Variants in OLA1 observed in about 807,000 individuals in gnomAD.
OLA1 encodes the protein obg-like ATPase 1.
Under a neutral mutation model 48.4 loss-of-function variants are expected in OLA1, and 14 were observed. That is an observed-to-expected ratio of 0.29 (90% CI 0.19 to 0.45). The LOEUF is 0.45. OLA1 is among the 20% of genes least tolerant of loss of function. The probability of loss-of-function intolerance (pLI) is 1.00; values close to 1 mark genes in which losing one functional copy is unlikely to be tolerated. For missense variants in OLA1, 325 were observed against 467.1 expected, an observed-to-expected ratio of 0.70 and a Z score of 2.80; for synonymous variants, 127 against 150.4, an observed-to-expected ratio of 0.84 and a Z score of 1.14.
rs558691105 is a variant in OLA1, at chr2:174,107,695, G to A, written c.728+15485C>T. ...TTGGAACTTCATTATTTTCATATTT[G>A]TATTGGATCCTAAATCATTCTGATA... On this transcript the variant is annotated intron_variant, in intron 7 of 10. Coordinates refer to ENST00000284719, the MANE Select transcript of OLA1 (RefSeq NM_013341.5). 1.6e-4 allele frequency among the ~76,000 whole-genome samples: 24 copies of A among 152,112 alleles called. 1 individual carries two copies. The South Asian group carries it at 5.0e-3, about 32-fold the overall frequency.
chr2:174,244,013 A>G (rs116826167), intron 2 of OLA1, among the ~76,000 whole-genome samples: 1,587 of 152,328 alleles, frequency 0.01, 32 homozygotes, highest in African/African-American at 0.035. Context: ...TACAGGAGAG[A>G]CAGGAAATGA....
At chr2:174,181,042 A>C (rs911801739) in intron 4 of OLA1, among the ~76,000 whole-genome samples, 1 of 152,230 alleles carries the variant, frequency 6.6e-6, no homozygotes, top group Non-Finnish European at 1.5e-5. Flanking sequence ...TGGTAGCATC[A>C]TTCACTCACT....
At chr2:174,104,253 T>C (rs892097722) in intron 7 of OLA1, among the ~76,000 whole-genome samples, 6 of 151,982 alleles carry the variant, frequency 3.9e-5, no homozygotes, top group African/African-American at 1.4e-4. Context: ...CAGTAACACT[T>C]TTGTCTTTTT....
chr2:174,223,791 G>A (rs911704817), intron 3 of OLA1, among the ~76,000 whole-genome samples: 8 of 142,366 alleles, frequency 5.6e-5, no homozygotes, highest in East Asian at 2.0e-4. Flanking sequence ...AAAAAAAAGC[G>A]TGTAATGCTG....
intron 7 of OLA1, among the ~76,000 whole-genome samples, chr2:174,107,316 G>T (rs79177087): frequency 0.14 from 20,707 of 152,082 alleles, 1,796 homozygotes; most frequent in Non-Finnish European, 0.2. Context: ...TAAAATGGAC[G>T]TCCACGCTCT....
At position 174,167,550 on chromosome 2, in the gene OLA1, T is replaced by G. The variant is rs1430454002; in HGVS notation, c.374-25550A>C. ...GAAATTGCACCATTGCACTCCAGCCTGGGCAACAAGAGCAAAACTTCATCC... is the reference window on the plus strand; with the variant it reads ...GAAATTGCACCATTGCACTCCAGCCGGGGCAACAAGAGCAAAACTTCATCC... On this transcript the variant is annotated intron_variant, in intron 4 of 10. Coordinates refer to ENST00000284719, the MANE Select transcript of OLA1 (RefSeq NM_013341.5). 2.6e-5 allele frequency among the ~76,000 whole-genome samples: 4 copies of G among 152,368 alleles called. No homozygotes were observed. The East Asian group carries it at 7.7e-4, about 29-fold the overall frequency.
At chr2:174,242,171 G>A (rs1393295733) in intron 2 of OLA1, among the ~76,000 whole-genome samples, 1 of 152,180 alleles carries the variant, frequency 6.6e-6, no homozygotes, top group East Asian at 1.9e-4. Flanking sequence ...AACCTTTTTG[G>A]CACCAGGGAC....
intron 5 of OLA1, among the ~76,000 whole-genome samples, chr2:174,129,976 CA>C (rs1185609891): frequency 3.9e-5 from 6 of 152,090 alleles, no homozygotes. Flanking sequence ...GTAGCTTTAA[CA>C]AAGACAGCCA....
chr2:174,086,597 C>T (rs541039251), intron 7 of OLA1, among the ~76,000 whole-genome samples: 1 of 152,156 alleles, frequency 6.6e-6, no homozygotes, highest in East Asian at 1.9e-4. Flanking sequence ...CCTTTGGGGC[C>T]ATTATTAAGT....
chr2:174,101,641 G>C (rs572697735), intron 7 of OLA1, among the ~76,000 whole-genome samples: 1 of 152,226 alleles, frequency 6.6e-6, no homozygotes, highest in Non-Finnish European at 1.5e-5. Flanking sequence ...AAATGGCAGA[G>C]TGGAAGTGTT....
intron 4 of OLA1, among the ~76,000 whole-genome samples, chr2:174,210,004 G>T (rs924320333): frequency 6.6e-6 from 1 of 151,876 alleles, no homozygotes; most frequent in Non-Finnish European, 1.5e-5. Context: ...TATTGACAAG[G>T]AAAGATGAAA....
intron 3 of OLA1, among the ~76,000 whole-genome samples, chr2:174,226,290 A>C (rs1688616397): frequency 1.3e-5 from 2 of 148,866 alleles, no homozygotes; most frequent in South Asian, 4.1e-4. Context: ...ACAATATCTC[A>C]AAAAATTAAA....
chr2:174,201,721 G>T (rs1245624770), intron 4 of OLA1, among the ~76,000 whole-genome samples: 2 of 152,106 alleles, frequency 1.3e-5, no homozygotes, highest in African/African-American at 4.8e-5. Context: ...TTATTATACT[G>T]CTTATAACAC....
chr2:174,171,109 A>C (rs1307936088), intron 4 of OLA1, among the ~76,000 whole-genome samples: 1 of 152,258 alleles, frequency 6.6e-6, no homozygotes, highest in African/African-American at 2.4e-5. Flanking sequence ...TATGTGCCTA[A>C]TAACAGCTTC....
At chr2:174,220,096 C>G (rs944744877) in intron 4 of OLA1, among the ~76,000 whole-genome samples, 2 of 152,132 alleles carry the variant, frequency 1.3e-5, no homozygotes, top group African/African-American at 4.8e-5. Flanking sequence ...GATGCCACTG[C>G]ACTCCAGCCT....
intron 7 of OLA1, among the ~76,000 whole-genome samples, chr2:174,118,011 G>C (rs1410836410): frequency 2.0e-5 from 3 of 152,148 alleles, no homozygotes; most frequent in Admixed American, 2.0e-4. Context: ...GCACGGCTGG[G>C]GAGGCCTCAG....
At chr2:174,213,531 C>A (rs888368391) in intron 4 of OLA1, among the ~76,000 whole-genome samples, 2 of 151,974 alleles carry the variant, frequency 1.3e-5, no homozygotes, top group African/African-American at 4.8e-5. Flanking sequence ...AAATCAATAG[C>A]TTCATCATAT....
At chr2:174,111,632 T>C (rs1444630968) in intron 7 of OLA1, among the ~76,000 whole-genome samples, 2 of 152,262 alleles carry the variant, frequency 1.3e-5, no homozygotes, top group East Asian at 3.8e-4. Context: ...TATATTGCTA[T>C]GCACTAATAT....
At chr2:174,083,969 A>G (rs1322223711) in intron 7 of OLA1, among the ~76,000 whole-genome samples, 3 of 152,190 alleles carry the variant, frequency 2.0e-5, no homozygotes, top group African/African-American at 4.8e-5. Context: ...CTACCCTGTC[A>G]TTTTAACAGC....
Sources: allele counts gnomAD v4.1 joint callset (sites outside exome capture counted in the v4.1 genomes callset), GRCh38; gene constraint gnomAD v4.1.1; transcripts MANE v1.5; gene names NCBI Gene and HGNC (gene_info 2026-07-23, HGNC 2026-07-21).